Variants in SPOCK1 observed in about 807,000 individuals in gnomAD.
SPOCK1 encodes the protein testican-1.
SPOCK1 carries 23 observed loss-of-function variants against 55.3 expected under a neutral mutation model. The observed-to-expected ratio is 0.42, with a 90% CI of 0.30 to 0.59. SPOCK1 has a LOEUF of 0.59. Ranked by LOEUF, SPOCK1 falls within the 20% of genes least tolerant of loss-of-function variation. The pLI is 0.22. For synonymous variants in SPOCK1, 226 were observed against 221.0 expected (o/e 1.02, Z -0.20); for missense variants, 499 against 552.5 (o/e 0.90, Z 0.97).
chr5:137,413,225 TA>T (rs1310340362), intron 2 of SPOCK1, among the ~76,000 whole-genome samples: 1 of 152,204 alleles, frequency 6.6e-6, no homozygotes, highest in African/African-American at 2.4e-5. Flanking sequence ...ACTCTTCGTC[TA>T]TTTTGGGTTT....
chr5:137,256,735 C>T (rs1756641932), intron 3 of SPOCK1, among the ~76,000 whole-genome samples: 1 of 152,152 alleles, frequency 6.6e-6, no homozygotes, highest in Non-Finnish European at 1.5e-5. Context: ...CTGTCCCCAA[C>T]TCTGCGAGGC....
At chr5:137,486,282 G>A (rs1411535285) in intron 2 of SPOCK1, among the ~76,000 whole-genome samples, 4 of 152,208 alleles carry the variant, frequency 2.6e-5, no homozygotes, top group Non-Finnish European at 5.9e-5. Flanking sequence ...GCAAACTGAA[G>A]TGACCTGACC....
intron 4 of SPOCK1, 124 bp from the exon 5 acceptor site, chr5:137,112,685 A>C: frequency 8.1e-7 from 1 of 1,235,130 alleles, no homozygotes; most frequent in Non-Finnish European, 1.1e-6. Flanking sequence ...AGGGATCCTG[A>C]GGGCCTTAGC....
chr5:137,042,946 G>A (rs887012388), intron 6 of SPOCK1, among the ~76,000 whole-genome samples: 5 of 152,064 alleles, frequency 3.3e-5, no homozygotes, highest in South Asian at 4.1e-4. Context: ...CAACATTCCC[G>A]AAGTAGTGAG....
Position 137,240,983 on chromosome 5 carries a change from A to T in SPOCK1, c.232+26027T>A, listed in dbSNP as rs570778284. Among the ~76,000 whole-genome samples the T allele has an allele frequency of 1.4e-4, 22 of 152,332 alleles. No homozygotes were observed. The South Asian group carries it at 4.1e-3, about 29-fold the overall frequency. On this transcript the variant is annotated intron_variant, in intron 3 of 10. Coordinates refer to ENST00000394945, the MANE Select transcript of SPOCK1 (RefSeq NM_004598.4). ...CAGTGGACAAAAAAATGTATATTCA[A>T]CTAGTGACACAAGGACAACTGGATA...
At chr5:136,988,727 G>T in intron 7 of SPOCK1, 84 bp from the exon 8 acceptor site, 1 of 1,327,010 alleles carries the variant, frequency 7.5e-7, no homozygotes, top group Non-Finnish European at 1.0e-6. Flanking sequence ...GCCCCAAGAA[G>T]ATGCCAAGGC....
At chr5:137,028,716 C>A (rs777375131) in intron 6 of SPOCK1, among the ~76,000 whole-genome samples, 2 of 152,086 alleles carry the variant, frequency 1.3e-5, no homozygotes, top group Admixed American at 6.5e-5. Context: ...CAAGTGAACA[C>A]ATGTGAAATC....
intron 4 of SPOCK1, among the ~76,000 whole-genome samples, chr5:137,129,698 T>C (rs538952849): frequency 1.3e-5 from 2 of 152,120 alleles, no homozygotes; most frequent in Non-Finnish European, 2.9e-5. Context: ...TCTCAAAAGA[T>C]CAATCTTAGG....
At chr5:137,283,461 C>G (rs1757203137) in intron 2 of SPOCK1, among the ~76,000 whole-genome samples, 1 of 152,190 alleles carries the variant, frequency 6.6e-6, no homozygotes, top group Admixed American at 6.5e-5. Flanking sequence ...GGCCTGTAAT[C>G]CCAGCACTAT....
At chr5:137,011,526 C>T (rs1751348262) in intron 6 of SPOCK1, among the ~76,000 whole-genome samples, 1 of 152,180 alleles carries the variant, frequency 6.6e-6, no homozygotes, top group Non-Finnish European at 1.5e-5. Context: ...AGCCCAGAGA[C>T]AGAATTCTAG....
chr5:137,278,604 G>A (rs185016102), intron 2 of SPOCK1, among the ~76,000 whole-genome samples: 13 of 152,290 alleles, frequency 8.5e-5, no homozygotes, highest in South Asian at 2.1e-4. Flanking sequence ...CAAAGGCTGC[G>A]GGGTCAAGGA....
chr5:137,366,032 G>A (rs1043376672), intron 2 of SPOCK1, among the ~76,000 whole-genome samples: 2 of 152,188 alleles, frequency 1.3e-5, no homozygotes, highest in Non-Finnish European at 2.9e-5. Context: ...GCATGGCATG[G>A]ACTCCCAACC....
chr5:137,470,084 C>T (rs899199299), intron 2 of SPOCK1, among the ~76,000 whole-genome samples: 1 of 152,210 alleles, frequency 6.6e-6, no homozygotes, highest in Admixed American at 6.5e-5. Context: ...ACACTGATCT[C>T]CTGCTCCACT....
At chr5:137,424,398 T>C (rs969766466) in intron 2 of SPOCK1, among the ~76,000 whole-genome samples, 2 of 152,080 alleles carry the variant, frequency 1.3e-5, no homozygotes, top group Non-Finnish European at 2.9e-5. Flanking sequence ...AAACAAAAAT[T>C]CAACTGACCA....
intron 6 of SPOCK1, among the ~76,000 whole-genome samples, chr5:137,008,124 C>A (rs1374873882): frequency 6.8e-6 from 1 of 146,630 alleles, no homozygotes; most frequent in Non-Finnish European, 1.5e-5. Context: ...CAAAATCACA[C>A]ACTGGGGCCT....
In SPOCK1 at chr5:137,030,379, A is replaced by T. The variant is rs3860102; in HGVS notation, c.589+37336T>A. On this transcript the variant is annotated intron_variant, in intron 6 of 10. Coordinates refer to ENST00000394945, the MANE Select transcript of SPOCK1 (RefSeq NM_004598.4). ...TTAATGAACCATTAGTGACTACGCCATGGCAATTCGATGCAAGAGCAGAGG... is the reference window on the plus strand; with the variant it reads ...TTAATGAACCATTAGTGACTACGCCTTGGCAATTCGATGCAAGAGCAGAGG... Among the ~76,000 whole-genome samples the T allele has an allele frequency of 3.2e-3, 486 of 152,312 alleles. 2 individuals are homozygous for T. Among genetic ancestry groups the T allele is most frequent in the Non-Finnish European group, 4.9e-3 (334 of 68,038 alleles).
rs76001494 is a variant in SPOCK1 at position 137,250,856 on chromosome 5, G to A, written c.232+16154C>T. On this transcript the variant is annotated intron_variant, in intron 3 of 10. Transcript: ENST00000394945. ...AAAACTGTACAAATCACACTTGCCT[G>A]TATTAGCTCACTGATTCTTCCACCA... Among the ~76,000 whole-genome samples the A allele has an allele frequency of 2.0e-5, 3 of 152,330 alleles. No homozygotes were observed. The East Asian group carries it at 5.8e-4, about 29-fold the overall frequency.
At chr5:137,387,064 C>T (rs950167858) in intron 2 of SPOCK1, among the ~76,000 whole-genome samples, 3 of 152,190 alleles carry the variant, frequency 2.0e-5, no homozygotes, top group Non-Finnish European at 4.4e-5. Flanking sequence ...AGATGCTTCA[C>T]ATCATGTCAT....
chr5:137,026,661 C>T (rs996336248), intron 6 of SPOCK1, among the ~76,000 whole-genome samples: 1 of 152,202 alleles, frequency 6.6e-6, no homozygotes, highest in South Asian at 2.1e-4. Context: ...CTCTGGAGAA[C>T]ACTAACACAA....
Sources: allele counts gnomAD v4.1 joint callset (sites outside exome capture counted in the v4.1 genomes callset), GRCh38; gene constraint gnomAD v4.1.1; transcripts MANE v1.5; gene names NCBI Gene and HGNC (gene_info 2026-07-23, HGNC 2026-07-21).